The following ANTXRL variants were observed in gnomAD, a reference collection of about 807,000 sequenced individuals.
ANTXRL encodes the protein ANTXR like.
ANTXRL carries 63 observed loss-of-function variants against 75.4 expected under a neutral mutation model. The ratio of observed to expected loss-of-function variants is 0.84; its 90% confidence interval spans 0.68 to 1.03. ANTXRL has a LOEUF of 1.03. Among genes scored for constraint, ANTXRL ranks in the 50% least tolerant of loss-of-function variants. The pLI is 0.00. For synonymous variants in ANTXRL, 335 were observed against 291.3 expected (o/e 1.15, Z -1.53); for missense variants, 797 against 789.4 (o/e 1.01, Z -0.12).
chr10:46,309,498 G>C (rs1838295429), intron 13 of ANTXRL, among the ~76,000 whole-genome samples: 2 of 152,298 alleles, frequency 1.3e-5, no homozygotes, highest in South Asian at 4.1e-4. Context: ...CAGAACCCCT[G>C]AAACCAGGGC....
rs1324465133 is a variant in ANTXRL, at chr10:46,295,583, G to GGTTAGAGTTAGAGTTAGA, written c.393-412_393-395dup. ...GGTTCAGGGTTAAAGTTAGGGTTTG[G>GGTTAGAGTTAGAGTTAGA]GTTAGAGTTAGAGTTAGAGTTAGAG... On this transcript the variant is annotated intron_variant, in intron 3 of 16. Coordinates refer to ENST00000620264, the MANE Select transcript of ANTXRL (RefSeq NM_001278688.3). Among the ~76,000 whole-genome samples the GGTTAGAGTTAGAGTTAGA allele has an allele frequency of 1.6e-3, 53 of 33,126 alleles. 1 individual carries two copies. The highest frequency in any genetic ancestry group is 4.1e-3 in the East Asian group (6 of 1,464). The allele number at this position is 33,126 out of a possible 152,430, so 21.7% of individuals were successfully genotyped here.
In ANTXRL at chr10:46,307,493, A is replaced by C; in HGVS notation, c.1044+13A>C. 6.5e-7 allele frequency: 1 copy of C among 1,533,626 alleles called. No homozygotes were observed. Among genetic ancestry groups the C allele is most frequent in the Non-Finnish European group, 8.7e-7 (1 of 1,144,450 alleles). ...CAGCACCACATGTGTGAGTACCAGC[A>C]TGGGGCTGCAAACATGTATGAGGAC... On this transcript the variant is annotated intron_variant, in intron 12 of 16. Coordinates refer to ENST00000620264, the MANE Select transcript of ANTXRL (RefSeq NM_001278688.3).
At chr10:46,298,303 G>A (rs1837510813) in intron 9 of ANTXRL, among the ~76,000 whole-genome samples, 1 of 151,890 alleles carries the variant, frequency 6.6e-6, no homozygotes, top group African/African-American at 2.4e-5. Context: ...TGATGTGTGT[G>A]AAATCTGCGG....
chr10:46,302,334 G>C lies in ANTXRL; in HGVS notation c.797-388G>C, dbSNP rs1588823969. On this transcript the variant is annotated intron_variant, in intron 9 of 16. Transcript: ENST00000620264. ...TGTCTTCAGGCAGCATTATGGCTCC[G>C]CTTACACCTGACATCAGGGAGGGCC... 2.6e-5 allele frequency among the ~76,000 whole-genome samples: 4 copies of C among 152,236 alleles called. No individual in the cohort carries two copies. In the South Asian group the frequency reaches 8.3e-4, roughly 32 times the overall value.
rs573035543 is a variant in ANTXRL at position 46,297,771 on chromosome 10, G to A, written c.655-60G>A. 52 of 1,406,112 alleles carry A rather than the reference G, an allele frequency of 3.7e-5. 1 individual carries two copies. The highest frequency in any genetic ancestry group is 7.4e-5 in the South Asian group (6 of 80,928). The allele number at this position is 1,406,112 out of a possible 1,614,324, so 87.1% of individuals were successfully genotyped here. The stretch of plus-strand genomic sequence containing the variant: ...AGGGCAAGACACTGTCTCCTGGGCC[G>A]GGGGTCTGCTGCATCCTCACCTCCT... On this transcript the variant is annotated intron_variant, in intron 7 of 16. Transcript: ENST00000620264.
chr10:46,312,834 G>GCCTTCCCCTA (rs1838506050), intron 15 of ANTXRL, among the ~76,000 whole-genome samples: 1 of 150,704 alleles, frequency 6.6e-6, no homozygotes, highest in African/African-American at 2.4e-5. Context: ...AGCAGGGCAT[G>GCCTTCCCCTA]GTCCTCTCAC....
intron 1 of ANTXRL, among the ~76,000 whole-genome samples, chr10:46,288,650 A>T (rs1836858138): frequency 1.3e-5 from 2 of 152,120 alleles, no homozygotes. Context: ...CGTGTCCCCC[A>T]TCTGTAAAAA....
At position 46,287,183 on chromosome 10, in the gene ANTXRL, A is replaced by G. The variant is rs1460634762; in HGVS notation, c.-80A>G. On this transcript the variant is annotated 5_prime_UTR_variant, in exon 1 of 17. Transcript: ENST00000620264. The stretch of plus-strand genomic sequence containing the variant: ...CCCCGGGCATAAGGGGAGGCGGCAA[A>G]GAAGGGGCCTGTGCTCAGCCTCTCT... 2.7e-6 allele frequency: 4 copies of G among 1,479,390 alleles called. No individual in the cohort carries two copies. The highest frequency in any genetic ancestry group is 2.2e-4 in the Middle Eastern group (1 of 4,474). The allele number at this position is 1,479,390 out of a possible 1,614,324, so 91.6% of individuals were successfully genotyped here.
At chr10:46,305,615 A>C (rs879996021) in intron 10 of ANTXRL, among the ~76,000 whole-genome samples, 1 of 152,262 alleles carries the variant, frequency 6.6e-6, no homozygotes, top group East Asian at 1.9e-4. Context: ...GAGCCAGGCC[A>C]GCAGGCAGAT....
At chr10:46,312,500 C>T (rs1472052176) in intron 15 of ANTXRL, among the ~76,000 whole-genome samples, 14 of 147,384 alleles carry the variant, frequency 9.5e-5, no homozygotes, top group Non-Finnish European at 1.7e-4. Context: ...CCCCCTTGGT[C>T]CTGGCTCTGT....
chr10:46,310,600 T>C, intron 14 of ANTXRL, 101 bp downstream of exon 14: 1 of 1,279,696 alleles, frequency 7.8e-7, no homozygotes, highest in Non-Finnish European at 1.1e-6. Context: ...TCCATCTGCT[T>C]GAGCAGAGAA....
chr10:46,289,187 T>C (rs1836882191), intron 1 of ANTXRL, among the ~76,000 whole-genome samples: 2 of 152,120 alleles, frequency 1.3e-5, no homozygotes, highest in Non-Finnish European at 2.9e-5. Context: ...CACTTGTTCA[T>C]TGATTGGATT....
At chr10:46,300,717 G>A (rs1347958958) in intron 9 of ANTXRL, among the ~76,000 whole-genome samples, 1 of 152,156 alleles carries the variant, frequency 6.6e-6, no homozygotes, top group Non-Finnish European at 1.5e-5. Flanking sequence ...AGCCTTCCCT[G>A]ATGACCAGCC....
intron 3 of ANTXRL, chr10:46,294,184 G>T: frequency 4.4e-6 from 2 of 456,048 alleles, no homozygotes; most frequent in South Asian, 4.6e-5. Flanking sequence ...TCCCTGAAAG[G>T]TGGCTGTGAG....
Position 46,297,396 on chromosome 10 carries a change from T to C in ANTXRL, c.586-10T>C. On this transcript the variant is annotated splice_polypyrimidine_tract_variant and intron_variant, in intron 6 of 16. Coordinates refer to ENST00000620264, the MANE Select transcript of ANTXRL (RefSeq NM_001278688.3). ...TTGATGACCAATATGCAATGCCTTC[T>C]TTCCCTTAGGCTCAAAAGGCTCGGA... The C allele has an allele frequency of 5.2e-6, 8 of 1,536,082 alleles. No homozygotes were observed. The highest frequency in any genetic ancestry group is 7.0e-6 in the Non-Finnish European group (8 of 1,146,788).
At chr10:46,308,095 T>A (rs1158278353) in intron 12 of ANTXRL, among the ~76,000 whole-genome samples, 1 of 152,150 alleles carries the variant, frequency 6.6e-6, no homozygotes, top group Non-Finnish European at 1.5e-5. Context: ...CAGGAGGATG[T>A]GCTGGAGGGA....
chr10:46,297,270 T>C lies in ANTXRL; in HGVS notation c.527T>C (p.Ile176Thr), dbSNP rs1554959052. 1 of 1,536,512 alleles carries C rather than the reference T, an allele frequency of 6.5e-7. No homozygotes were observed. The highest frequency in any genetic ancestry group is 2.4e-5 in the East Asian group (1 of 40,902). Reference protein sequence around the residue: ...FNSGNKVPSMIIAMTDGELVA... With the variant: ...FNSGNKVPSMTIAMTDGELVA... ...TCTACAGACAAGGTTCCCAGCATGA[T>C]TATTGCTATGACTGATGGAGAACTG... The change falls in exon 6 of 17, where the codon ATT (isoleucine) becomes ACT (threonine). Residue 176 changes from isoleucine (I) to threonine (T), a missense_variant. Around this residue, in one of 3 missense-constraint regions of ANTXRL, gnomAD observed 262 missense variants for 271.9 expected, o/e 0.96. Coordinates refer to ENST00000620264, the MANE Select transcript of ANTXRL (RefSeq NM_001278688.3).
intron 16 of ANTXRL, among the ~76,000 whole-genome samples, chr10:46,321,761 G>C (rs1381695410): frequency 2.0e-5 from 3 of 152,102 alleles, no homozygotes; most frequent in South Asian, 2.1e-4. Context: ...ATGCGGTTCT[G>C]TTACTAGGGG....
intron 5 of ANTXRL, among the ~76,000 whole-genome samples, chr10:46,296,797 C>G (rs1475385006): frequency 7.9e-5 from 12 of 152,142 alleles, no homozygotes; most frequent in Non-Finnish European, 1.6e-4. Flanking sequence ...CCCAGAGATG[C>G]CGGCAGGGCT....
Sources: gnomAD v4.1 joint callset for allele counts (sites outside exome capture counted in the v4.1 genomes callset) on GRCh38, gnomAD v4.1.1 for gene constraint, gnomAD v4.1.1 regional missense constraint, MANE v1.5 for transcripts, NCBI Gene and HGNC (gene_info 2026-07-23, HGNC 2026-07-21) for gene names.